Variants in SLC12A8 observed in about 807,000 individuals in gnomAD.
The protein encoded by SLC12A8 is solute carrier family 12 member 8.
Under a neutral mutation model 75.6 loss-of-function variants are expected in SLC12A8, and 69 were observed. That is an observed-to-expected ratio of 0.91 (90% confidence interval 0.75 to 1.11). The LOEUF is 1.11. Among genes scored for constraint, SLC12A8 ranks in the 50% most tolerant of loss-of-function variants. The pLI is 0.00. For synonymous variants in SLC12A8, 365 were observed against 372.8 expected (o/e 0.98, Z 0.24); for missense variants, 877 against 896.7 (o/e 0.98, Z 0.28).
chr3:125,212,560 T>TGA (rs1000002896), intron 1 of SLC12A8, 140 bp downstream of exon 1: 1 of 152,132 alleles, frequency 6.6e-6, no homozygotes, highest in Non-Finnish European at 1.5e-5. Flanking sequence ...GGCGCGCGGG[T>TGA]GACCGGCGGT....
intron 5 of SLC12A8, among the ~76,000 whole-genome samples, chr3:125,147,495 GGT>G (rs1933808796): frequency 6.6e-6 from 1 of 151,968 alleles, no homozygotes. Context: ...TGGAGAGTGA[GGT>G]GTGTTTGTAC....
rs760308153 is a variant in SLC12A8, at chr3:125,211,288, C to A, written c.51+11G>T. On this transcript the variant is annotated intron_variant, in intron 2 of 13. Coordinates refer to ENST00000469902, the MANE Select transcript of SLC12A8 (RefSeq NM_024628.6). The stretch of plus-strand genomic sequence containing the variant: ...GCCTCCATCACAGACCCTGGCACAT[C>A]CTGAGCCTACCTGCTGGGCTGCCTC... 1 of 1,612,930 alleles carries A rather than the reference C, an allele frequency of 6.2e-7. No homozygotes were observed. The highest frequency in any genetic ancestry group is 8.5e-7 in the Non-Finnish European group (1 of 1,179,476).
At chr3:125,200,895 G>A (rs896443986) in intron 2 of SLC12A8, among the ~76,000 whole-genome samples, 8 of 152,182 alleles carry the variant, frequency 5.3e-5, no homozygotes, top group Non-Finnish European at 1.2e-4. Context: ...CTTAGTGAGG[G>A]TTGCTCAGCC....
intron 6 of SLC12A8, among the ~76,000 whole-genome samples, chr3:125,132,603 C>A (rs1933388739): frequency 1.3e-5 from 2 of 152,068 alleles, no homozygotes; most frequent in Admixed American, 6.6e-5. Context: ...AGGAGGAGGA[C>A]AAGTTGAGGG....
At position 125,084,014 on chromosome 3, in the gene SLC12A8, G is replaced by T; in HGVS notation, c.2021C>A (p.Pro674Gln). ...RSPQEQIILA[P>Q]SLAKVDMEMT... is the part of the protein sequence containing the mutation. Reference sequence around the variant, plus strand: ...CTCCATGTCAACCTTAGCCAGGGACGGCGCCAAGATGATCTGCTCCTGAGG... The same window carrying T: ...CTCCATGTCAACCTTAGCCAGGGACTGCGCCAAGATGATCTGCTCCTGAGG... The change falls in exon 14 of 14, where the codon CCG (proline) becomes CAG (glutamine). Residue 674 changes from proline (P) to glutamine (Q), a missense_variant. By Grantham distance (76) the Pro-to-Gln change is moderately conservative. Coordinates refer to ENST00000469902, the MANE Select transcript of SLC12A8 (RefSeq NM_024628.6). 6.2e-7 allele frequency: 1 copy of T among 1,613,026 alleles called. No homozygotes were observed. The highest frequency in any genetic ancestry group is 8.5e-7 in the Non-Finnish European group (1 of 1,179,636).
intron 13 of SLC12A8, among the ~76,000 whole-genome samples, chr3:125,084,467 T>C (rs1489698409): frequency 2.0e-5 from 3 of 152,052 alleles, no homozygotes; most frequent in Non-Finnish European, 2.9e-5. Flanking sequence ...GTAGGTCTAT[T>C]GAAAAGAAAG....
At chr3:125,098,603 A>G (rs1483586044) in intron 10 of SLC12A8, among the ~76,000 whole-genome samples, 1 of 147,282 alleles carries the variant, frequency 6.8e-6, no homozygotes, top group Non-Finnish European at 1.5e-5. Context: ...CACGTATAAA[A>G]CTAGACAAAA....
chr3:125,211,640 C>G (rs551786019), intron 1 of SLC12A8, among the ~76,000 whole-genome samples: 4 of 152,236 alleles, frequency 2.6e-5, no homozygotes, highest in Non-Finnish European at 5.9e-5. Context: ...ACTCCCAGCT[C>G]TCTCCTTCCC....
Position 125,107,860 on chromosome 3 carries a change from G to C in SLC12A8, c.1326C>G (p.Gly442=). The change falls in exon 10 of 14, where the codon GGC becomes GGG. Residue 442 remains glycine (G), a synonymous_variant. Transcript: ENST00000469902. ...HLLLEKAPSY[G]SEGPAQRVLE... ...AGACTCTTTGGGCAGGTCCCTCAGA[G>C]CCGTAACTGGGAGCTTTCTCTAAGA... The C allele has an allele frequency of 6.2e-7, 1 of 1,614,188 alleles. No individual in the cohort carries two copies. Among genetic ancestry groups the C allele is most frequent in the East Asian group, 2.2e-5 (1 of 44,876 alleles).
chr3:125,173,896 G>A (rs1453671060), intron 5 of SLC12A8, among the ~76,000 whole-genome samples: 1 of 152,194 alleles, frequency 6.6e-6, no homozygotes, highest in African/African-American at 2.4e-5. Context: ...TTCAAGAACA[G>A]CCTGGCCAAC....
At chr3:125,098,595 C>CACACAT (rs71148165) in intron 10 of SLC12A8, among the ~76,000 whole-genome samples, 4 of 146,072 alleles carry the variant, frequency 2.7e-5, no homozygotes, top group African/African-American at 5.1e-5. Context: ...CACACACACA[C>CACACAT]GTATAAAACT....
chr3:125,206,610 A>AG (rs1302864270), intron 2 of SLC12A8: 1 of 152,258 alleles, frequency 6.6e-6, no homozygotes, highest in Admixed American at 6.5e-5. Flanking sequence ...GAAAAGACAG[A>AG]GAAAAAGTGT....
chr3:125,198,547 C>T (rs887575274), intron 2 of SLC12A8, among the ~76,000 whole-genome samples: 10 of 151,870 alleles, frequency 6.6e-5, no homozygotes, highest in East Asian at 1.9e-4. Context: ...GCAGAAGCAT[C>T]GCTTGAACCT....
intron 5 of SLC12A8, among the ~76,000 whole-genome samples, chr3:125,155,625 G>GCAGGCAC (rs538840861): frequency 5.0e-5 from 6 of 119,586 alleles, no homozygotes; most frequent in Admixed American, 2.7e-4. Context: ...CAAAAAAGTA[G>GCAGGCAC]CTGTAGTCCC....
intron 4 of SLC12A8, among the ~76,000 whole-genome samples, chr3:125,186,922 T>C (rs1347233357): frequency 6.6e-6 from 1 of 152,242 alleles, no homozygotes. Context: ...GGCTGCCACC[T>C]GGGCTTCAGC....
chr3:125,178,237 G>T (rs909473197), intron 4 of SLC12A8, among the ~76,000 whole-genome samples: 2 of 152,126 alleles, frequency 1.3e-5, no homozygotes, highest in African/African-American at 2.4e-5. Context: ...TAACAAAGAT[G>T]AAAAGACTAT....
At chr3:125,186,044 C>T (rs771548279) in intron 4 of SLC12A8, among the ~76,000 whole-genome samples, 1 of 152,186 alleles carries the variant, frequency 6.6e-6, no homozygotes, top group Non-Finnish European at 1.5e-5. Flanking sequence ...CACCAGTGCC[C>T]ATCCATGGCA....
chr3:125,208,791 C>CACACAGAGAGAG (rs1368605617), intron 2 of SLC12A8, among the ~76,000 whole-genome samples: 2 of 84,228 alleles, frequency 2.4e-5, no homozygotes, highest in African/African-American at 4.7e-5. Flanking sequence ...CACACACACA[C>CACACAGAGAGAG]AGAGAGAGAG....
intron 5 of SLC12A8, among the ~76,000 whole-genome samples, chr3:125,141,020 G>A (rs1469232772): frequency 6.6e-6 from 1 of 152,158 alleles, no homozygotes; most frequent in Non-Finnish European, 1.5e-5. Context: ...TTCAACTCTC[G>A]AAGGCCTGGG....
Sources: gnomAD v4.1 joint callset for allele counts (sites outside exome capture counted in the v4.1 genomes callset) on GRCh38, gnomAD v4.1.1 for gene constraint, MANE v1.5 for transcripts, NCBI Gene and HGNC (gene_info 2026-07-23, HGNC 2026-07-21) for gene names.